The following MAGI1 variants were observed in gnomAD, a reference collection of about 807,000 sequenced individuals.
MAGI1 encodes membrane associated guanylate kinase, WW and PDZ domain containing 1.
MAGI1 carries 58 observed loss-of-function variants against 139.9 expected under a neutral mutation model. The ratio of observed to expected loss-of-function variants is 0.41; its 90% confidence interval spans 0.34 to 0.52. The LOEUF (loss-of-function observed/expected upper bound fraction) is 0.52. Ranked by LOEUF, MAGI1 falls within the 20% of genes least tolerant of loss-of-function variation. The probability of loss-of-function intolerance (pLI) is 0.12; values close to 1 mark genes in which losing one functional copy is unlikely to be tolerated. For missense variants in MAGI1, 1,874 were observed against 1,901.6 expected (o/e 0.99, Z 0.27); for synonymous variants, 812 against 737.9 (o/e 1.10, Z -1.63).
chr3:65,778,227 C>T (rs1291825495), intron 1 of MAGI1, among the ~76,000 whole-genome samples: 1 of 151,930 alleles, frequency 6.6e-6, no homozygotes, highest in Non-Finnish European at 1.5e-5. Flanking sequence ...GTAAGGAGTT[C>T]AAGATCAGGC....
At chr3:65,630,143 T>G (rs1237261934) in intron 1 of MAGI1, among the ~76,000 whole-genome samples, 3 of 152,186 alleles carry the variant, frequency 2.0e-5, no homozygotes, top group Non-Finnish European at 4.4e-5. Flanking sequence ...TTGGGGAGTT[T>G]CATTCACTAA....
At chr3:65,917,653 C>G (rs1300793723) in intron 1 of MAGI1, among the ~76,000 whole-genome samples, 1 of 152,140 alleles carries the variant, frequency 6.6e-6, no homozygotes, top group Non-Finnish European at 1.5e-5. Context: ...AGGAAACTTA[C>G]AAATGCATAG....
intron 1 of MAGI1, chr3:65,688,385 G>C (rs1187048639): frequency 1.7e-6 from 1 of 575,836 alleles, no homozygotes; most frequent in African/African-American, 1.9e-5. Flanking sequence ...GTAGTCATTA[G>C]AGAAAAAGGA....
intron 1 of MAGI1, among the ~76,000 whole-genome samples, chr3:65,882,075 C>A (rs1426450170): frequency 6.6e-6 from 1 of 152,224 alleles, no homozygotes. Flanking sequence ...CAACAATAAA[C>A]ATTCTATCCA....
intron 2 of MAGI1, among the ~76,000 whole-genome samples, chr3:65,611,568 T>C (rs1264627368): frequency 7.1e-6 from 1 of 141,414 alleles, no homozygotes; most frequent in African/African-American, 2.6e-5. Context: ...TACACATATA[T>C]GACACTATAT....
chr3:65,492,195 G>A (rs931190214), intron 3 of MAGI1, among the ~76,000 whole-genome samples: 3 of 152,162 alleles, frequency 2.0e-5, no homozygotes, highest in African/African-American at 7.2e-5. Flanking sequence ...TTAATAATCT[G>A]TCCTAGTTAA....
chr3:65,860,641 G>T (rs1213202352), intron 1 of MAGI1, among the ~76,000 whole-genome samples: 1 of 152,192 alleles, frequency 6.6e-6, no homozygotes, highest in Non-Finnish European at 1.5e-5. Flanking sequence ...AGGTCCCCTA[G>T]GATGGTGTCA....
chr3:65,500,490 T>C (rs888950647), intron 2 of MAGI1, among the ~76,000 whole-genome samples: 11 of 152,142 alleles, frequency 7.2e-5, no homozygotes, highest in Non-Finnish European at 1.5e-4. Flanking sequence ...GCTGAGGAAA[T>C]GAGAAAGTGA....
chr3:65,379,504 T>C lies in MAGI1; in HGVS notation c.2752A>G (p.Ser918Gly), dbSNP rs1270299693. 1 of 1,613,604 alleles carries C rather than the reference T, an allele frequency of 6.2e-7. No individual in the cohort carries two copies. The highest frequency in any genetic ancestry group is 1.7e-5 in the Admixed American group (1 of 59,972). The part of the protein sequence containing the change: ...VPSPASSHHS[S>G]NQPASLTEEK... Reference sequence around the variant, plus strand: ...TCTGTCAGCGAGGCCGGCTGGTTGCTACTGTGATGAGAGGAGGCTGGCGAG... The same window carrying C: ...TCTGTCAGCGAGGCCGGCTGGTTGCCACTGTGATGAGAGGAGGCTGGCGAG... Residue 918 changes from serine (S) to glycine (G), a missense_variant, in exon 17 of 23, where the codon AGC (serine) becomes GGC (glycine). By Grantham distance (56) the Ser-to-Gly change is moderately conservative. Around this residue, in one of 5 missense-constraint regions of MAGI1, gnomAD observed 482 missense variants for 509.6 expected, o/e 0.95. Transcript: ENST00000402939.
intron 2 of MAGI1, among the ~76,000 whole-genome samples, chr3:65,572,102 A>C (rs2080986674): frequency 6.6e-6 from 1 of 152,178 alleles, no homozygotes; most frequent in East Asian, 1.9e-4. Context: ...ATCCTATTTA[A>C]TTCTGACTAA....
intron 2 of MAGI1, among the ~76,000 whole-genome samples, chr3:65,615,820 CT>C (rs2083340226): frequency 6.6e-6 from 1 of 152,190 alleles, no homozygotes; most frequent in African/African-American, 2.4e-5. Flanking sequence ...TATTACCTTA[CT>C]TCGCGAAACA....
In MAGI1 at chr3:65,429,649, G is replaced by A. The variant is rs572325988; in HGVS notation, c.2038C>T (p.Leu680=). 2.9e-5 allele frequency: 46 copies of A among 1,613,894 alleles called. No individual in the cohort carries two copies. The East Asian group carries it at 9.8e-4, about 34-fold the overall frequency. ...TCCACTATGAGATCCCCTTCTTTCAGGCCTCGGCACCTTGGGCTGTCAACA... is the reference window on the plus strand; with the variant it reads ...TCCACTATGAGATCCCCTTCTTTCAAGCCTCGGCACCTTGGGCTGTCAACA... ...QIVDSPRCRG[L]KEGDLIVEVN... The change falls in exon 12 of 23, where the codon CTG becomes TTG. Residue 680 remains leucine, a synonymous_variant. Transcript: ENST00000402939.
chr3:65,830,610 A>T (rs1250699535), intron 1 of MAGI1, among the ~76,000 whole-genome samples: 1 of 152,212 alleles, frequency 6.6e-6, no homozygotes, highest in Non-Finnish European at 1.5e-5. Context: ...AGGTGCCTTA[A>T]ACAAGACTGA....
rs150829466 is a variant in MAGI1, at chr3:65,478,249, T to C, written c.757+343A>G. ...CCATAATGATAGAGATGCTGCAAGTTACCCCCCCCAAAAAAAATCAATGAA... is the reference window on the plus strand; with the variant it reads ...CCATAATGATAGAGATGCTGCAAGTCACCCCCCCCAAAAAAAATCAATGAA... On this transcript the variant is annotated intron_variant, in intron 4 of 22. Transcript: ENST00000402939. Among the ~76,000 whole-genome samples the C allele has an allele frequency of 3.0e-3, 451 of 151,920 alleles. 5 individuals are homozygous for C. The highest frequency in any genetic ancestry group is 0.022 in the Admixed American group (342 of 15,242).
intron 12 of MAGI1, among the ~76,000 whole-genome samples, chr3:65,423,927 C>T (rs1946815102): frequency 1.3e-5 from 2 of 152,174 alleles, no homozygotes; most frequent in African/African-American, 2.4e-5. Flanking sequence ...CTAATTTATA[C>T]CAAATTAAGC....
chr3:65,861,071 G>GCACAGCCACAACGCGGCC (rs1024913345), intron 1 of MAGI1, among the ~76,000 whole-genome samples: 4 of 152,288 alleles, frequency 2.6e-5, no homozygotes, highest in African/African-American at 9.6e-5. Flanking sequence ...GACAGCCAAA[G>GCACAGCCACAACGCGGCC]CACAGCCACA....
chr3:65,732,385 C>T (rs1248789653), intron 1 of MAGI1, among the ~76,000 whole-genome samples: 1 of 152,178 alleles, frequency 6.6e-6, no homozygotes, highest in East Asian at 1.9e-4. Context: ...AGAGTACAAC[C>T]TCATCCTTCC....
intron 14 of MAGI1, 118 bp downstream of exon 14, chr3:65,391,024 G>A (rs1943884774): frequency 1.2e-6 from 1 of 827,124 alleles, no homozygotes; most frequent in African/African-American, 1.7e-5. Context: ...TTTGCATCTT[G>A]CGGATTTCAC....
At chr3:65,790,923 A>C (rs1020523585) in intron 1 of MAGI1, among the ~76,000 whole-genome samples, 4 of 151,994 alleles carry the variant, frequency 2.6e-5, no homozygotes, top group Middle Eastern at 3.2e-3. Flanking sequence ...AAAAATACAA[A>C]AATTACCTGG....
Sources: gnomAD v4.1 joint callset for allele counts (sites outside exome capture counted in the v4.1 genomes callset) on GRCh38, gnomAD v4.1.1 for gene constraint, gnomAD v4.1.1 regional missense constraint, MANE v1.5 for transcripts, NCBI Gene and HGNC (gene_info 2026-07-23, HGNC 2026-07-21) for gene names.